MEIOC: variants seen among roughly 807,000 people sequenced by gnomAD.
MEIOC encodes meiosis-specific coiled-coil domain-containing protein MEIOC.
In MEIOC, 9 loss-of-function variants were observed where a neutral mutation model predicts 85.3. The observed-to-expected ratio is 0.11, with a 90% CI of 0.06 to 0.18. MEIOC has a LOEUF of 0.18. MEIOC is among the 10% of genes least tolerant of loss of function. MEIOC has a pLI of 1.00. For synonymous variants in MEIOC, 365 were observed against 393.7 expected (o/e 0.93, Z 0.86); for missense variants, 898 against 1,129.4 (o/e 0.80, Z 2.94).
intron 2 of MEIOC, among the ~76,000 whole-genome samples, chr17:44,659,311 C>T (rs1305995137): frequency 2.0e-5 from 3 of 152,178 alleles, no homozygotes; most frequent in African/African-American, 7.2e-5. Flanking sequence ...AAGTGGAACC[C>T]AGACCATAGT....
chr17:44,667,628 C>A lies in MEIOC; in HGVS notation c.1717C>A (p.Leu573Ile), dbSNP rs1391897194. ...ACTAACAAAGCCTGGAGAAGAAAAT[C>A]TCTTCAAATTGGTTACGGATAAAAA... ...EGLTKPGEEN[L>I]FKLVTDKKIK... The change falls in exon 5 of 8, where the codon CTC becomes ATC. Residue 573 changes from leucine to isoleucine, a missense_variant. Leu to Ile is a conservative substitution (Grantham distance 5). Transcript: ENST00000409122. The A allele has an allele frequency of 1.9e-6, 3 of 1,612,736 alleles. No homozygotes were observed. In the Admixed American group the frequency reaches 5.0e-5, roughly 27 times the overall value.
intron 2 of MEIOC, among the ~76,000 whole-genome samples, chr17:44,657,681 G>A (rs567817829): frequency 5.3e-5 from 8 of 151,942 alleles, no homozygotes; most frequent in Admixed American, 3.3e-4. Flanking sequence ...AGCCTCCGGA[G>A]TAGCTGGGAT....
chr17:44,673,230 C>T (rs1302874931), intron 6 of MEIOC, 136 bp from the exon 7 acceptor site: 1 of 593,578 alleles, frequency 1.7e-6, no homozygotes, highest in Non-Finnish European at 2.7e-6. Context: ...AGCATGGTGT[C>T]AGGACACAGT....
intron 3 of MEIOC, chr17:44,665,167 A>ATT (rs1348439658): frequency 3.7e-6 from 4 of 1,075,722 alleles, no homozygotes; most frequent in Non-Finnish European, 4.6e-6. Context: ...TAGATATAGG[A>ATT]TTTGAAATGA....
chr17:44,662,622 GTTAT>G (rs1487138019), intron 3 of MEIOC, among the ~76,000 whole-genome samples, 151 bp downstream of exon 3: 19 of 152,158 alleles, frequency 1.2e-4, no homozygotes, highest in African/African-American at 3.4e-4. Flanking sequence ...AAACTGGGCA[GTTAT>G]TTGTGTATAG....
Position 44,666,866 on chromosome 17 carries a change from T to G in MEIOC, c.955T>G (p.Tyr319Asp). The stretch of plus-strand genomic sequence containing the variant: ...GATGTTTCTTTCTCAATTTAATAGA[T>G]ACAATGAAAATGTAGATTATTGTAG... ...AEMFLSQFNR[Y>D]NENVDYCRYP... Residue 319 changes from tyrosine to aspartate, a missense_variant, in exon 5 of 8, where the codon TAC (tyrosine) becomes GAC (aspartate). Physicochemically the swap from Tyr to Asp is radical, Grantham distance 160. This residue lies in a region of MEIOC where 734 missense variants were observed against 860.1 expected (regional missense o/e 0.85). Coordinates refer to ENST00000409122, the MANE Select transcript of MEIOC (RefSeq NM_001145080.3). 6.2e-7 allele frequency: 1 copy of G among 1,610,552 alleles called. No individual in the cohort carries two copies. Among genetic ancestry groups the G allele is most frequent in the Non-Finnish European group, 8.5e-7 (1 of 1,178,020 alleles).
In MEIOC at chr17:44,657,242, A is replaced by G. The variant is rs1262364895; in HGVS notation, c.185A>G (p.Tyr62Cys). 1 of 1,551,910 alleles carries G rather than the reference A, an allele frequency of 6.4e-7. No homozygotes were observed. The highest frequency in any genetic ancestry group is 1.2e-5 in the South Asian group (1 of 84,046). ...SVMLTGSASF[Y>C]DCYTSQSEDN... Reference sequence around the variant, plus strand: ...ATGTTGACTGGCTCCGCTTCCTTCTACGATTGCTACACATCGCAGGTCCTT... The same window carrying G: ...ATGTTGACTGGCTCCGCTTCCTTCTGCGATTGCTACACATCGCAGGTCCTT... Residue 62 changes from tyrosine (Y) to cysteine (C), a missense_variant, in exon 2 of 8, where the codon TAC becomes TGC. Physicochemically the swap from Tyr to Cys is radical, Grantham distance 194. Coordinates refer to ENST00000409122, the MANE Select transcript of MEIOC (RefSeq NM_001145080.3).
Position 44,666,674 on chromosome 17 carries a change from A to G in MEIOC, c.763A>G (p.Thr255Ala), listed in dbSNP as rs752821525. 3 of 1,612,200 alleles carry G rather than the reference A, an allele frequency of 1.9e-6. No homozygotes were observed. The highest frequency in any genetic ancestry group is 4.5e-5 in the East Asian group (2 of 44,856). ...SNCHNIQTND[T>A]AKTTFQEYPL... ...CTGTCACAATATTCAGACAAATGAT[A>G]CAGCTAAGACAACATTCCAAGAATA... is the stretch of plus-strand genomic sequence containing the variant. Residue 255 changes from threonine (T) to alanine (A), a missense_variant, in exon 5 of 8, where the codon ACA (threonine) becomes GCA (alanine). Transcript: ENST00000409122.
At chr17:44,672,512 C>A (rs1972027756) in intron 6 of MEIOC, among the ~76,000 whole-genome samples, 2 of 152,130 alleles carry the variant, frequency 1.3e-5, no homozygotes, top group African/African-American at 4.8e-5. Context: ...CCATTGGTTT[C>A]TTGAGAAGCT....
At chr17:44,659,606 G>A (rs1971817927) in intron 2 of MEIOC, among the ~76,000 whole-genome samples, 1 of 152,150 alleles carries the variant, frequency 6.6e-6, no homozygotes, top group Admixed American at 6.5e-5. Context: ...TATTCAAAAT[G>A]TATTTTAAAA....
intron 6 of MEIOC, among the ~76,000 whole-genome samples, chr17:44,672,426 T>TAAA (rs1269970780): frequency 2.6e-5 from 4 of 152,268 alleles, no homozygotes; most frequent in African/African-American, 9.6e-5. Flanking sequence ...GAGAGGAAAA[T>TAAA]ATTTAACATA....
In MEIOC at chr17:44,656,471, C is replaced by T; in HGVS notation, c.-143C>T. 1 of 602,778 alleles carries T rather than the reference C, an allele frequency of 1.7e-6. No individual in the cohort carries two copies. Among genetic ancestry groups the T allele is most frequent in the Non-Finnish European group, 2.6e-6 (1 of 380,828 alleles). 37.3% of individuals were successfully genotyped at this position (602,778 alleles called of 1,614,324 possible). ...CGCTCGGACTTCCCTTACCCGCACACTGGCTCCAGGCAGCGCCCGGGCGGC... is the reference window on the plus strand; with the variant it reads ...CGCTCGGACTTCCCTTACCCGCACATTGGCTCCAGGCAGCGCCCGGGCGGC... On this transcript the variant is annotated 5_prime_UTR_variant, in exon 1 of 8. Coordinates refer to ENST00000409122, the MANE Select transcript of MEIOC (RefSeq NM_001145080.3).
At chr17:44,670,460 T>C (rs1971987574) in intron 6 of MEIOC, 1 of 151,092 alleles carries the variant, frequency 6.6e-6, no homozygotes, top group African/African-American at 2.4e-5. Flanking sequence ...CTCATTTCTT[T>C]GTCACATTTG....
At position 44,665,445 on chromosome 17, in the gene MEIOC, A is replaced by G. The variant is rs918892457; in HGVS notation, c.421A>G (p.Ile141Val). ...AGACTTATATGGACTTGTGTCTAAC[A>G]TTTTGGAAGAACAAGATAAGTCACA... ...ETDLYGLVSN[I>V]LEEQDKSQPY... Residue 141 changes from isoleucine (I) to valine (V), a missense_variant, in exon 4 of 8, where the codon ATT (isoleucine) becomes GTT (valine). Physicochemically the swap from Ile to Val is conservative, Grantham distance 29. Transcript: ENST00000409122. The G allele has an allele frequency of 1.7e-5, 27 of 1,546,472 alleles. No homozygotes were observed. The highest frequency in any genetic ancestry group is 2.4e-5 in the Non-Finnish European group (27 of 1,144,058).
At chr17:44,669,329 G>A in intron 5 of MEIOC, 54 bp from the exon 6 acceptor site, 1 of 1,380,242 alleles carries the variant, frequency 7.2e-7, no homozygotes, top group East Asian at 2.5e-5. Flanking sequence ...TATTATTCAT[G>A]GTCGAATCAT....
intron 3 of MEIOC, among the ~76,000 whole-genome samples, chr17:44,662,798 T>C (rs1428577798): frequency 1.3e-5 from 2 of 152,192 alleles, no homozygotes; most frequent in African/African-American, 4.8e-5. Flanking sequence ...ACTACAGGTA[T>C]GCACCACGGT....
chr17:44,659,275 G>T (rs1281271930), intron 2 of MEIOC, among the ~76,000 whole-genome samples: 1 of 152,204 alleles, frequency 6.6e-6, no homozygotes, highest in Non-Finnish European at 1.5e-5. Context: ...CAGAGAGCTT[G>T]ATTTGTGCCC....
intron 4 of MEIOC, among the ~76,000 whole-genome samples, chr17:44,665,849 T>C (rs76664833): frequency 0.034 from 5,145 of 152,258 alleles, 118 homozygotes; most frequent in Non-Finnish European, 0.055. Context: ...ATGGATTTTA[T>C]TCATGTGTTA....
intron 4 of MEIOC, among the ~76,000 whole-genome samples, chr17:44,666,127 C>T (rs1282810400): frequency 6.6e-6 from 1 of 151,880 alleles, no homozygotes; most frequent in Non-Finnish European, 1.5e-5. Flanking sequence ...ACATATTAGG[C>T]CTTAGTTATT....
Sources: gnomAD v4.1 joint callset for allele counts (sites outside exome capture counted in the v4.1 genomes callset) on GRCh38, gnomAD v4.1.1 for gene constraint, gnomAD v4.1.1 regional missense constraint, MANE v1.5 for transcripts, NCBI Gene and HGNC (gene_info 2026-07-23, HGNC 2026-07-21) for gene names.